NXPE2: variants seen among roughly 807,000 people sequenced by gnomAD.
NXPE2 encodes neurexophilin and PC-esterase domain family member 2, also known as NXPE family member 2.
Under a neutral mutation model 34.4 loss-of-function variants are expected in NXPE2, and 34 were observed. The ratio of observed to expected loss-of-function variants is 0.99; its 90% confidence interval spans 0.75 to 1.31. NXPE2 has a LOEUF of 1.31. Among genes scored for constraint, NXPE2 ranks in the 40% most tolerant of loss-of-function variants. The pLI is 0.00. For synonymous variants in NXPE2, 235 were observed against 231.3 expected, an observed-to-expected ratio of 1.02 and a Z score of -0.15; for missense variants, 649 against 672.5, an observed-to-expected ratio of 0.97 and a Z score of 0.39.
chr11:114,616,274 C>T, the NXPE2 span, among the ~76,000 whole-genome samples: 44 of 151,606 alleles, frequency 2.9e-4, no homozygotes, highest in Middle Eastern at 3.4e-3. Flanking sequence ...AATGTTGCCT[C>T]GTGGGTAGCC....
At chr11:114,648,754 A>G in the NXPE2 span, among the ~76,000 whole-genome samples, 1 of 152,162 alleles carries the variant, frequency 6.6e-6, no homozygotes, top group Non-Finnish European at 1.5e-5. Context: ...AAAACTTACT[A>G]ACTTCTTCTC....
the NXPE2 span, among the ~76,000 whole-genome samples, chr11:114,760,295 G>T: frequency 6.6e-6 from 1 of 152,184 alleles, no homozygotes; most frequent in African/African-American, 2.4e-5. Context: ...GGGAACCATT[G>T]TCTATGAGGA....
the NXPE2 span, among the ~76,000 whole-genome samples, chr11:114,712,449 G>A: frequency 6.6e-6 from 1 of 152,064 alleles, no homozygotes; most frequent in African/African-American, 2.4e-5. Flanking sequence ...TTTAAAAATT[G>A]GCAAAGAAGT....
the NXPE2 span, chr11:114,582,716 G>T: frequency 6.2e-7 from 1 of 1,614,100 alleles, no homozygotes; most frequent in Non-Finnish European, 8.5e-7. Flanking sequence ...GGAAATCCCC[G>T]CCATATTGCT....
At chr11:114,602,049 ATAT>A in the NXPE2 span, among the ~76,000 whole-genome samples, 1 of 91,768 alleles carries the variant, frequency 1.1e-5, no homozygotes, top group Non-Finnish European at 1.9e-5. Context: ...AATATATATT[ATAT>A]TATATATATT....
chr11:114,782,834 C>T, the NXPE2 span, among the ~76,000 whole-genome samples: 16 of 152,230 alleles, frequency 1.1e-4, no homozygotes, highest in East Asian at 3.9e-4. Context: ...AGATTCCAGC[C>T]GCCAGCCATA....
chr11:114,629,094 C>T, the NXPE2 span, among the ~76,000 whole-genome samples: 1 of 152,016 alleles, frequency 6.6e-6, no homozygotes, highest in African/African-American at 2.4e-5. Context: ...ACCAGAGGTA[C>T]AAGGAGGAAC....
the NXPE2 span, among the ~76,000 whole-genome samples, chr11:114,604,840 G>C: frequency 6.6e-6 from 1 of 151,846 alleles, no homozygotes; most frequent in African/African-American, 2.4e-5. Flanking sequence ...TTGTTGCATT[G>C]TGGGTATCCA....
At chr11:114,606,622 T>A in the NXPE2 span, among the ~76,000 whole-genome samples, 1 of 151,964 alleles carries the variant, frequency 6.6e-6, no homozygotes, top group Admixed American at 6.6e-5. Context: ...TGGTGGATAA[T>A]AAGTGTTGCC....
upstream of NXPE2, among the ~76,000 whole-genome samples, chr11:114,678,139 C>T (rs920622007): frequency 1.5e-4 from 23 of 152,072 alleles, no homozygotes; most frequent in Non-Finnish European, 2.9e-4. Context: ...AATTCTCAGG[C>T]CTTCAGGAAC....
the NXPE2 span, among the ~76,000 whole-genome samples, chr11:114,466,186 A>G: frequency 6.6e-6 from 1 of 152,226 alleles, no homozygotes; most frequent in African/African-American, 2.4e-5. Flanking sequence ...TTGAAAAAAG[A>G]AAATGTACTT....
At chr11:114,799,765 A>G in the NXPE2 span, among the ~76,000 whole-genome samples, 1 of 152,236 alleles carries the variant, frequency 6.6e-6, no homozygotes, top group African/African-American at 2.4e-5. Context: ...CAGAGGGAGC[A>G]TCTATACACA....
At chr11:114,789,333 A>T in the NXPE2 span, among the ~76,000 whole-genome samples, 6 of 152,212 alleles carry the variant, frequency 3.9e-5, no homozygotes, top group Non-Finnish European at 7.3e-5. Flanking sequence ...CATTAAAAAG[A>T]TATATAAAGC....
chr11:114,545,870 T>A, the NXPE2 span, among the ~76,000 whole-genome samples: 1 of 151,900 alleles, frequency 6.6e-6, no homozygotes, highest in Non-Finnish European at 1.5e-5. Flanking sequence ...TGTATTTTTT[T>A]AATAGAGATG....
the NXPE2 span, among the ~76,000 whole-genome samples, chr11:114,789,374 T>C: frequency 6.6e-6 from 1 of 152,224 alleles, no homozygotes; most frequent in Admixed American, 6.5e-5. Flanking sequence ...TCAAACCATA[T>C]GAAATTAGTA....
At chr11:114,725,976 A>AAAAAAAAAATATATATATATATATAT in the NXPE2 span, among the ~76,000 whole-genome samples, 1 of 101,768 alleles carries the variant, frequency 9.8e-6, no homozygotes, top group Admixed American at 1.1e-4. Context: ...ATAAAAAAAA[A>AAAAAAAAAATATATATATATATATAT]ATATATATAT....
At chr11:114,693,617 CA>C (rs1296243994) in intron 2 of NXPE2, among the ~76,000 whole-genome samples, 1 of 152,150 alleles carries the variant, frequency 6.6e-6, no homozygotes, top group African/African-American at 2.4e-5. Flanking sequence ...CTAACGAAAT[CA>C]AATGCTTGTT....
At chr11:114,699,796 AT>A (rs11314562) in intron 3 of NXPE2, among the ~76,000 whole-genome samples, 113,714 of 129,678 alleles carry the variant, frequency 0.88, 49,429 homozygotes, top group East Asian at 0.9. Context: ...CCATTCATTC[AT>A]TTTTTTTTTT....
the NXPE2 span, chr11:114,522,376 A>G: frequency 2.5e-6 from 4 of 1,614,144 alleles, no homozygotes; most frequent in Non-Finnish European, 3.4e-6. Flanking sequence ...GATCTATCAG[A>G]GAGTAGAGCT....
Sources: allele counts gnomAD v4.1 joint callset (sites outside exome capture counted in the v4.1 genomes callset), GRCh38; gene constraint gnomAD v4.1.1; transcripts MANE v1.5; gene names NCBI Gene and HGNC (gene_info 2026-07-23, HGNC 2026-07-21).